The following ATF2 variants were observed in gnomAD, a reference collection of about 807,000 sequenced individuals.
ATF2 encodes activating transcription factor 2.
In ATF2, 24 loss-of-function variants were observed where a neutral mutation model predicts 60.6. That is an observed-to-expected ratio of 0.40 (90% CI 0.29 to 0.56). The LOEUF (loss-of-function observed/expected upper bound fraction) is 0.56, where lower values mean the gene tolerates loss of function less well. ATF2 is among the 20% of genes least tolerant of loss of function. The pLI is 0.54. For missense variants in ATF2, 433 were observed against 607.7 expected, an observed-to-expected ratio of 0.71 and a Z score of 3.02; for synonymous variants, 206 against 215.4, an observed-to-expected ratio of 0.96 and a Z score of 0.38.
rs143685878 is a variant in ATF2, at chr2:175,128,864, A to AAAAG, written c.102+1270_102+1273dup. 5.1e-3 allele frequency among the ~76,000 whole-genome samples: 773 copies of AAAAG among 152,074 alleles called. 5 individuals carry two copies. Among genetic ancestry groups the AAAAG allele is most frequent in the African/African-American group, 0.017 (711 of 41,540 alleles). The stretch of plus-strand genomic sequence containing the variant: ...GACAACCCAATTTTTTAAAATGAGC[A>AAAAG]AAAGATTTAAAAAGATACTTCACAA... On this transcript the variant is annotated intron_variant, in intron 4 of 13. Transcript: ENST00000264110.
chr2:175,102,580 G>A (rs1243421584), intron 10 of ATF2, among the ~76,000 whole-genome samples: 7 of 152,050 alleles, frequency 4.6e-5, no homozygotes, highest in Admixed American at 3.9e-4. Context: ...ACCAGCCTGG[G>A]CAATATGGTA....
intron 4 of ATF2, 151 bp downstream of exon 4, chr2:175,129,987 T>G (rs1697614617): frequency 5.5e-6 from 3 of 544,406 alleles, no homozygotes; most frequent in African/African-American, 4.0e-5. Context: ...AAGCAGAATT[T>G]CTTGCCAAAA....
chr2:175,099,744 T>A (rs2105618673), intron 10 of ATF2, among the ~76,000 whole-genome samples: 1 of 152,370 alleles, frequency 6.6e-6, no homozygotes, highest in South Asian at 2.1e-4. Context: ...CCAGATATCA[T>A]TTGCTCAAGG....
intron 3 of ATF2, among the ~76,000 whole-genome samples, chr2:175,133,958 C>T (rs1361343664): frequency 6.6e-6 from 1 of 152,128 alleles, no homozygotes; most frequent in Admixed American, 6.5e-5. Flanking sequence ...CAGGTAACTA[C>T]ATCCAGAGAC....
chr2:175,080,594 C>A, intron 13 of ATF2, 66 bp downstream of exon 13: 1 of 1,192,544 alleles, frequency 8.4e-7, no homozygotes, highest in South Asian at 1.5e-5. Flanking sequence ...AAAGTAGCAG[C>A]TCAGTTCACT....
intron 12 of ATF2, among the ~76,000 whole-genome samples, chr2:175,086,536 G>C (rs1694179388): frequency 1.3e-5 from 2 of 152,084 alleles, no homozygotes; most frequent in African/African-American, 4.8e-5. Flanking sequence ...AGTTAGAAGA[G>C]ACAAAAGCTG....
At chr2:175,105,239 A>G (rs1243304416) in intron 10 of ATF2, among the ~76,000 whole-genome samples, 2 of 152,070 alleles carry the variant, frequency 1.3e-5, no homozygotes, top group Non-Finnish European at 2.9e-5. Context: ...AATAAATCTT[A>G]TATTATTTTT....
chr2:175,147,058 A>C (rs1019385851), intron 2 of ATF2, among the ~76,000 whole-genome samples: 1 of 152,210 alleles, frequency 6.6e-6, no homozygotes, highest in African/African-American at 2.4e-5. Context: ...TCTGCACTGC[A>C]AGGTTAAGAG....
At chr2:175,087,977 T>G (rs1437533423) in intron 12 of ATF2, among the ~76,000 whole-genome samples, 1 of 152,206 alleles carries the variant, frequency 6.6e-6, no homozygotes, top group African/African-American at 2.4e-5. Flanking sequence ...TTCGCTGTTA[T>G]CCACATCTAA....
chr2:175,117,773 T>C (rs536975892), intron 7 of ATF2, among the ~76,000 whole-genome samples: 113 of 152,094 alleles, frequency 7.4e-4, no homozygotes, highest in Middle Eastern at 3.4e-3. Flanking sequence ...AAATAAGTTT[T>C]ATGTAACATG....
rs1181110162 is a variant in ATF2 at position 175,128,500 on chromosome 2, CA to C, written c.102+1637del. On this transcript the variant is annotated intron_variant, in intron 4 of 13. Coordinates refer to ENST00000264110, the MANE Select transcript of ATF2 (RefSeq NM_001880.4). ...AGGCAACAAGAGCGAAATTCCGTCT[CA>C]AAAAAAAAAAAAAAGTTAGCTTCAA... Among the ~76,000 whole-genome samples, 858 of 122,238 alleles carry C rather than the reference CA, an allele frequency of 7.0e-3. 4 individuals are homozygous for C. The highest frequency in any genetic ancestry group is 7.1e-3 in the Non-Finnish European group (400 of 56,618). 80.2% of individuals were successfully genotyped at this position (122,238 alleles called of 152,430 possible).
chr2:175,090,855 G>C (rs796443827), intron 12 of ATF2, among the ~76,000 whole-genome samples: 1 of 152,024 alleles, frequency 6.6e-6, no homozygotes, highest in African/African-American at 2.4e-5. Flanking sequence ...CTACAATAAT[G>C]ACATTTTAAT....
At chr2:175,083,231 A>G (rs1291417460) in intron 12 of ATF2, among the ~76,000 whole-genome samples, 1 of 152,036 alleles carries the variant, frequency 6.6e-6, no homozygotes, top group Non-Finnish European at 1.5e-5. Flanking sequence ...GCATCACGCT[A>G]CCTGACTTCA....
At position 175,072,929 on chromosome 2, in the gene ATF2, T is replaced by C. The variant is rs1446988885; in HGVS notation, c.*1680A>G. 1 of 152,174 alleles carries C rather than the reference T, an allele frequency of 6.6e-6. No homozygotes were observed. The allele number at this position is 152,174 out of a possible 1,614,324, so 9.4% of individuals were successfully genotyped here. ...GTTTGGAACTTAGGCAGGAGGGATA[T>C]TTCCTTGAATTATCAAGGATATTCC... On this transcript the variant is annotated 3_prime_UTR_variant, in exon 14 of 14. Coordinates refer to ENST00000264110, the MANE Select transcript of ATF2 (RefSeq NM_001880.4).
At chr2:175,117,911 CATTTT>C in intron 7 of ATF2, 74 bp downstream of exon 7, 1 of 1,415,322 alleles carries the variant, frequency 7.1e-7, no homozygotes, top group South Asian at 1.6e-5. Context: ...AATACATTAA[CATTTT>C]ATGGAGATTA....
chr2:175,122,677 G>C (rs1020944073), intron 4 of ATF2, among the ~76,000 whole-genome samples: 5 of 151,872 alleles, frequency 3.3e-5, no homozygotes, highest in African/African-American at 4.8e-5. Flanking sequence ...TCATGTGTGC[G>C]GCACAATGCC....
At chr2:175,107,597 G>C (rs966012196) in intron 10 of ATF2, among the ~76,000 whole-genome samples, 1 of 149,198 alleles carries the variant, frequency 6.7e-6, no homozygotes, top group South Asian at 2.1e-4. Context: ...CTCTTTCCAC[G>C]GTCTCCCTCT....
At chr2:175,163,651 A>C (rs906052893) in intron 1 of ATF2, among the ~76,000 whole-genome samples, 2 of 66,602 alleles carry the variant, frequency 3.0e-5, no homozygotes, top group African/African-American at 1.1e-4. Context: ...CATACTTAAA[A>C]AATGAAAAAT....
chr2:175,076,932 T>C (rs981514450), intron 13 of ATF2, among the ~76,000 whole-genome samples: 9 of 149,832 alleles, frequency 6.0e-5, no homozygotes, highest in African/African-American at 2.2e-4. Flanking sequence ...TATCTCCCAA[T>C]GCTATCCCTC....
Sources: gnomAD v4.1 joint callset for allele counts (sites outside exome capture counted in the v4.1 genomes callset) on GRCh38, gnomAD v4.1.1 for gene constraint, MANE v1.5 for transcripts, NCBI Gene and HGNC (gene_info 2026-07-23, HGNC 2026-07-21) for gene names.